LAMA4: variants seen among roughly 807,000 people sequenced by gnomAD.
LAMA4 encodes the protein laminin subunit alpha-4.
Under a neutral mutation model 207.1 loss-of-function variants are expected in LAMA4, and 127 were observed. That is an observed-to-expected ratio of 0.61 (90% CI 0.53 to 0.71). The LOEUF (loss-of-function observed/expected upper bound fraction) is 0.71. Ranked by LOEUF, LAMA4 falls within the 30% of genes least tolerant of loss-of-function variation. The pLI is 0.00. For synonymous variants in LAMA4, 761 were observed against 816.0 expected (o/e 0.93, Z 1.15); for missense variants, 2,093 against 2,246.5 (o/e 0.93, Z 1.38).
rs782576647 is a variant in LAMA4 at position 112,185,232 on chromosome 6, C to T, written c.1077+5G>A. The T allele has an allele frequency of 9.0e-6, 14 of 1,556,182 alleles. No individual in the cohort carries two copies. Among genetic ancestry groups the T allele is most frequent in the Admixed American group, 1.7e-5 (1 of 59,912 alleles). ...GTCCCAGAAACTGAATACATACATACGTACCTTTTCAACTAATTCCTCTAC... is the reference window on the plus strand; with the variant it reads ...GTCCCAGAAACTGAATACATACATATGTACCTTTTCAACTAATTCCTCTAC... On this transcript the variant is annotated splice_donor_5th_base_variant and intron_variant, in intron 9 of 38. Transcript: ENST00000230538.
At chr6:112,142,982 G>T (rs78998916) in intron 19 of LAMA4, among the ~76,000 whole-genome samples, 3,254 of 152,276 alleles carry the variant, frequency 0.021, 56 homozygotes, top group Non-Finnish European at 0.035. Flanking sequence ...TTCATAAGGT[G>T]CCTCTTATAA....
At position 112,120,419 on chromosome 6, in the gene LAMA4, T is replaced by A. The variant is rs782426448; in HGVS notation, c.4529A>T (p.Tyr1510Phe). Residue 1510 changes from tyrosine to phenylalanine, a missense_variant, in exon 33 of 39, where the codon TAT becomes TTT. By Grantham distance (22) the Tyr-to-Phe change is conservative. Coordinates refer to ENST00000230538, the MANE Select transcript of LAMA4 (RefSeq NM_001105206.3). Reference protein sequence around the residue: ...RTRSSHGMIFYVSDQEENDFM... With the variant: ...RTRSSHGMIFFVSDQEENDFM... ...GTCATTCTCTTCTTGATCTGAGACA[T>A]AGAAGATCATGCCATGGGAGGAACG... 2 of 1,613,920 alleles carry A rather than the reference T, an allele frequency of 1.2e-6. No individual in the cohort carries two copies.
chr6:112,150,401 T>G, intron 17 of LAMA4, 110 bp downstream of exon 17: 1 of 821,052 alleles, frequency 1.2e-6, no homozygotes, highest in Admixed American at 1.7e-5. Flanking sequence ...GAAAATAACA[T>G]TTATGTATAA....
chr6:112,243,582 G>C (rs1395127145), intron 2 of LAMA4, among the ~76,000 whole-genome samples: 8 of 152,158 alleles, frequency 5.3e-5, no homozygotes, highest in African/African-American at 1.9e-4. Context: ...TAGTGATGGA[G>C]CCAAGAATCA....
Position 112,114,767 on chromosome 6 carries a change from T to C in LAMA4, c.5113-11A>G. On this transcript the variant is annotated splice_polypyrimidine_tract_variant and intron_variant, in intron 36 of 38. Coordinates refer to ENST00000230538, the MANE Select transcript of LAMA4 (RefSeq NM_001105206.3). The stretch of plus-strand genomic sequence containing the variant: ...GACTTTCACTATGACCTGCAAAAGA[T>C]AGGACACATTGTATGATTTAGTTTG... 1.3e-6 allele frequency: 2 copies of C among 1,557,356 alleles called. No individual in the cohort carries two copies. Among genetic ancestry groups the C allele is most frequent in the African/African-American group, 1.4e-5 (1 of 73,826 alleles).
chr6:112,231,877 G>A (rs1785586922), intron 2 of LAMA4, among the ~76,000 whole-genome samples: 1 of 152,140 alleles, frequency 6.6e-6, no homozygotes, highest in South Asian at 2.1e-4. Flanking sequence ...ACCCCACAGA[G>A]TGTTTGTAAC....
rs111738217 is a variant in LAMA4, at chr6:112,195,443, A to G, written c.504-3593T>C. Among the ~76,000 whole-genome samples the G allele has an allele frequency of 2.9e-3, 444 of 152,302 alleles. 3 individuals carry two copies. Among genetic ancestry groups the G allele is most frequent in the African/African-American group, 0.01 (421 of 41,560 alleles). On this transcript the variant is annotated intron_variant, in intron 5 of 38. Coordinates refer to ENST00000230538, the MANE Select transcript of LAMA4 (RefSeq NM_001105206.3). ...TACGTGTGAAAAACTTGATGTCTTC[A>G]GAGAGAATTAGACTAAATCCCCGCA...
chr6:112,122,053 C>T lies in LAMA4; in HGVS notation c.4436G>A (p.Arg1479His), dbSNP rs140346737. 7.6e-5 allele frequency: 122 copies of T among 1,613,912 alleles called. No individual in the cohort carries two copies. Among genetic ancestry groups the T allele is most frequent in the African/African-American group, 7.3e-4 (55 of 75,000 alleles). ...TCCTTTTAAGTGTTCAAACTCTTGG[C>T]GGCTGTTGGCTGTTCCTCCATATTG... is the stretch of plus-strand genomic sequence containing the variant. ...AYQYGGTANSRQEFEHLKGDF... is the reference protein window; with the variant it reads ...AYQYGGTANSHQEFEHLKGDF... The change falls in exon 32 of 39, where the codon CGC becomes CAC. Residue 1479 changes from arginine (R) to histidine (H), a missense_variant. Transcript: ENST00000230538.
At chr6:112,222,048 A>G (rs1337162464) in intron 2 of LAMA4, among the ~76,000 whole-genome samples, 2 of 152,204 alleles carry the variant, frequency 1.3e-5, no homozygotes, top group Non-Finnish European at 2.9e-5. Flanking sequence ...GATCAGGCTT[A>G]ACATGTCCTG....
intron 5 of LAMA4, among the ~76,000 whole-genome samples, chr6:112,192,436 G>C (rs1554349434): frequency 2.0e-5 from 3 of 152,248 alleles, no homozygotes; most frequent in Non-Finnish European, 4.4e-5. Context: ...AGTACGCTTA[G>C]CTCCTGGCAG....
At chr6:112,185,046 G>A (rs1554346232) in intron 9 of LAMA4, among the ~76,000 whole-genome samples, 191 bp downstream of exon 9, 1 of 152,104 alleles carries the variant, frequency 6.6e-6, no homozygotes, top group Non-Finnish European at 1.5e-5. Context: ...CAATCAAAAC[G>A]AGAGGAGACG....
intron 8 of LAMA4, 155 bp downstream of exon 8, chr6:112,187,295 G>C: frequency 1.2e-6 from 1 of 868,608 alleles, no homozygotes; most frequent in Non-Finnish European, 1.9e-6. Context: ...AATTTCCTAT[G>C]AAATTACTTA....
intron 2 of LAMA4, chr6:112,234,235 T>C (rs960571194): frequency 2.0e-5 from 3 of 152,186 alleles, no homozygotes; most frequent in Admixed American, 2.0e-4. Context: ...GAGGAACACT[T>C]GGTTTTGTGA....
At chr6:112,135,303 C>A (rs1554331230) in intron 25 of LAMA4, among the ~76,000 whole-genome samples, 1 of 152,170 alleles carries the variant, frequency 6.6e-6, no homozygotes, top group Non-Finnish European at 1.5e-5. Context: ...CCCCTGGTGA[C>A]CCCTATTGTA....
At chr6:112,217,635 C>T (rs1784703964) in intron 2 of LAMA4, 1 of 152,122 alleles carries the variant, frequency 6.6e-6, no homozygotes, top group African/African-American at 2.4e-5. Context: ...ACACACACAT[C>T]AGTTCACACT....
intron 2 of LAMA4, among the ~76,000 whole-genome samples, chr6:112,244,203 A>G (rs1230020653): frequency 2.6e-5 from 4 of 152,212 alleles, no homozygotes; most frequent in African/African-American, 9.6e-5. Context: ...TGGCCAAACC[A>G]CGCCAAAACC....
intron 2 of LAMA4, among the ~76,000 whole-genome samples, chr6:112,240,280 A>T (rs1227188528): frequency 6.6e-6 from 1 of 152,048 alleles, no homozygotes; most frequent in Non-Finnish European, 1.5e-5. Flanking sequence ...TGTTGTGGGT[A>T]AATAGTAGGT....
At chr6:112,143,725 G>A (rs533463681) in intron 19 of LAMA4, among the ~76,000 whole-genome samples, 1 of 152,236 alleles carries the variant, frequency 6.6e-6, no homozygotes, top group Non-Finnish European at 1.5e-5. Context: ...CCAAAGGTGG[G>A]GCTAAGTCTG....
chr6:112,192,061 T>C (rs1210209399), intron 5 of LAMA4, among the ~76,000 whole-genome samples: 2 of 152,234 alleles, frequency 1.3e-5, no homozygotes, highest in Admixed American at 1.3e-4. Flanking sequence ...GTTCACTTCA[T>C]CTGTAGGCCA....
Sources: allele counts gnomAD v4.1 joint callset (sites outside exome capture counted in the v4.1 genomes callset), GRCh38; gene constraint gnomAD v4.1.1; transcripts MANE v1.5; gene names NCBI Gene and HGNC (gene_info 2026-07-23, HGNC 2026-07-21).